The following JAK1 variants were observed in gnomAD, a reference collection of about 807,000 sequenced individuals.
JAK1 encodes tyrosine-protein kinase JAK1.
JAK1 carries 16 observed loss-of-function variants against 136.6 expected under a neutral mutation model. That is an observed-to-expected ratio of 0.12 (90% CI 0.08 to 0.18). JAK1 has a LOEUF of 0.18. Among genes scored for constraint, JAK1 ranks in the 10% least tolerant of loss-of-function variants. The pLI is 1.00. For synonymous variants in JAK1, 492 were observed against 519.5 expected (o/e 0.95, Z 0.72); for missense variants, 859 against 1,450.1 (o/e 0.59, Z 6.62).
intron 2 of JAK1, among the ~76,000 whole-genome samples, chr1:64,884,526 G>A (rs900226321): frequency 2.0e-5 from 3 of 151,952 alleles, no homozygotes; most frequent in African/African-American, 7.3e-5. Flanking sequence ...CCATCATCTG[G>A]CCGGCCAGCC....
At chr1:65,005,686 TAA>T (rs892237594) in intron 2 of JAK1, among the ~76,000 whole-genome samples, 12 of 152,262 alleles carry the variant, frequency 7.9e-5, no homozygotes, top group African/African-American at 2.2e-4. Flanking sequence ...CAACTAGAAA[TAA>T]GAGGGAAAAT....
intron 1 of JAK1, among the ~76,000 whole-genome samples, chr1:65,062,951 T>C (rs149974276): frequency 8.3e-4 from 126 of 152,324 alleles, no homozygotes; most frequent in Non-Finnish European, 1.2e-3. Context: ...GTTTGGCAGT[T>C]TGTCATCTAT....
chr1:64,905,299 C>T (rs533636450), intron 1 of JAK1, among the ~76,000 whole-genome samples: 18 of 152,222 alleles, frequency 1.2e-4, no homozygotes, highest in African/African-American at 2.6e-4. Flanking sequence ...AAACAGCTTA[C>T]GAAAACCTGG....
At position 64,865,804 on chromosome 1, in the gene JAK1, G is replaced by C. The variant is rs570694961; in HGVS notation, c.991-832C>G. Among the ~76,000 whole-genome samples the C allele has an allele frequency of 2.0e-5, 3 of 152,214 alleles. No individual in the cohort carries two copies. In the South Asian group the frequency reaches 6.2e-4, roughly 32 times the overall value. On this transcript the variant is annotated intron_variant, in intron 7 of 24. Transcript: ENST00000342505. ...TGAGACAGTGTCTTGCTGTCACCCA[G>C]GCTGGAGCACAGTGGCAAGGTCATG...
intron 5 of JAK1, among the ~76,000 whole-genome samples, chr1:64,871,532 T>C (rs935950333): frequency 6.6e-6 from 1 of 152,134 alleles, no homozygotes; most frequent in Admixed American, 6.5e-5. Context: ...TTCACAGGCA[T>C]CTCCGAAAAA....
At position 64,844,960 on chromosome 1, in the gene JAK1, A is replaced by G; in HGVS notation, c.2116-71T>C. On this transcript the variant is annotated intron_variant, in intron 15 of 24. Coordinates refer to ENST00000342505, the MANE Select transcript of JAK1 (RefSeq NM_002227.4). The surrounding 1 kb of genome is among the most constrained non-coding windows in gnomAD (Gnocchi z 5.7). ...ATTCTATTTCCAACCCTGGTCCCTCAGGTCATCTCTTCCTACCCCCAGCTA... is the reference window on the plus strand; with the variant it reads ...ATTCTATTTCCAACCCTGGTCCCTCGGGTCATCTCTTCCTACCCCCAGCTA... The G allele has an allele frequency of 6.3e-7, 1 of 1,597,912 alleles. No homozygotes were observed. Among genetic ancestry groups the G allele is most frequent in the Non-Finnish European group, 8.6e-7 (1 of 1,168,446 alleles).
chr1:64,917,532 G>A (rs1023276435), intron 1 of JAK1, among the ~76,000 whole-genome samples: 1 of 152,158 alleles, frequency 6.6e-6, no homozygotes, highest in East Asian at 1.9e-4. Context: ...GGCAACTTGA[G>A]GGATACTTAT....
chr1:65,066,962 C>T (rs1648078901), intron 1 of JAK1, among the ~76,000 whole-genome samples: 1 of 152,072 alleles, frequency 6.6e-6, no homozygotes, highest in Non-Finnish European at 1.5e-5. Flanking sequence ...GGGGGCCGAG[C>T]CAGGCGCCCG....
At chr1:64,960,607 C>G (rs893304256) in intron 1 of JAK1, among the ~76,000 whole-genome samples, 2 of 152,186 alleles carry the variant, frequency 1.3e-5, no homozygotes, top group African/African-American at 4.8e-5. Context: ...GTTTCACAGT[C>G]AACCTTCTCT....
intron 2 of JAK1, among the ~76,000 whole-genome samples, chr1:64,980,627 G>A (rs113871332): frequency 0.053 from 7,927 of 150,968 alleles, 278 homozygotes; most frequent in South Asian, 0.1. Context: ...ACAACGTGCC[G>A]GTTTGTCACA....
chr1:64,864,766 G>C lies in JAK1; in HGVS notation c.1176+21C>G, dbSNP rs552796523. On this transcript the variant is annotated intron_variant, in intron 8 of 24. Coordinates refer to ENST00000342505, the MANE Select transcript of JAK1 (RefSeq NM_002227.4). ...CTCTCATCACCAGATCCAGACTTAA[G>C]AGCTTCTGGGACAAACTTACCATTT... The C allele has an allele frequency of 1.5e-5, 24 of 1,585,874 alleles. No homozygotes were observed. In the African/African-American group the frequency reaches 3.2e-4, roughly 21 times the overall value.
intron 1 of JAK1, among the ~76,000 whole-genome samples, chr1:64,902,575 A>AGTGT (rs1271111341): frequency 3.6e-4 from 24 of 66,712 alleles, no homozygotes; most frequent in African/African-American, 1.3e-3. Flanking sequence ...AGAGAGAGAG[A>AGTGT]GAGAGAGAGT....
At chr1:65,045,953 T>A (rs191613287) in intron 1 of JAK1, among the ~76,000 whole-genome samples, 2 of 152,346 alleles carry the variant, frequency 1.3e-5, no homozygotes, top group African/African-American at 4.8e-5. Flanking sequence ...TCTCTTCTAA[T>A]CTGTCTTCTC....
At chr1:64,853,550 C>T (rs1655732597) in intron 11 of JAK1, among the ~76,000 whole-genome samples, 1 of 150,800 alleles carries the variant, frequency 6.6e-6, no homozygotes, top group Non-Finnish European at 1.5e-5. Context: ...GTAAGCCCTG[C>T]TCACATGATA....
At chr1:64,950,126 T>C (rs932755776) in intron 1 of JAK1, among the ~76,000 whole-genome samples, 1 of 152,064 alleles carries the variant, frequency 6.6e-6, no homozygotes. Flanking sequence ...ATGTCAACAT[T>C]AGGCCGGGCG....
At chr1:64,851,628 C>G (rs937458038) in intron 11 of JAK1, among the ~76,000 whole-genome samples, 1 of 152,172 alleles carries the variant, frequency 6.6e-6, no homozygotes, top group Non-Finnish European at 1.5e-5. Flanking sequence ...AAACCCAACA[C>G]ATTACAAAAT....
chr1:64,913,183 C>T (rs1645314052), intron 1 of JAK1, among the ~76,000 whole-genome samples: 1 of 152,190 alleles, frequency 6.6e-6, no homozygotes. Context: ...ACCATCACGC[C>T]TGGCTAATTT....
chr1:64,853,882 A>G (rs1426248529), intron 11 of JAK1, among the ~76,000 whole-genome samples: 1 of 152,190 alleles, frequency 6.6e-6, no homozygotes, highest in Non-Finnish European at 1.5e-5. Context: ...GTTCACAGTC[A>G]GGTGGGAAAG....
intron 2 of JAK1, chr1:64,974,506 A>T (rs1447419857): frequency 1.3e-5 from 2 of 152,246 alleles, no homozygotes; most frequent in Non-Finnish European, 2.9e-5. Flanking sequence ...TATATAAACT[A>T]ACCATCCCTA....
Sources: allele counts gnomAD v4.1 joint callset (sites outside exome capture counted in the v4.1 genomes callset), GRCh38; gene constraint gnomAD v4.1.1; non-coding constraint Gnocchi (gnomAD v3.1); transcripts MANE v1.5; gene names NCBI Gene and HGNC (gene_info 2026-07-23, HGNC 2026-07-21).